Variants in DLGAP2 observed in about 807,000 individuals in gnomAD.
DLGAP2 encodes DLG associated protein 2, also known as disks large-associated protein 2.
A neutral mutation model predicts 100.3 loss-of-function variants in DLGAP2; 26 were observed. That is an observed-to-expected ratio of 0.26 (90% CI 0.19 to 0.36). DLGAP2 has a LOEUF of 0.36. DLGAP2 is among the 10% of genes least tolerant of loss of function. The pLI is 1.00. For synonymous variants in DLGAP2, 886 were observed against 630.1 expected (o/e 1.41, Z -6.08); for missense variants, 1,858 against 1,453.2 (o/e 1.28, Z -4.53).
At chr8:1,663,141 T>C (rs548610461) in intron 8 of DLGAP2, among the ~76,000 whole-genome samples, 19 of 106,784 alleles carry the variant, frequency 1.8e-4, no homozygotes, top group South Asian at 9.8e-4. Context: ...TGTGTGTGTA[T>C]GTGTGAGTGT....
rs778111483 is a variant in DLGAP2 at position 1,319,114 on chromosome 8, T to C, written c.106+60231T>C. Among the ~76,000 whole-genome samples, 3 of 152,144 alleles carry C rather than the reference T, an allele frequency of 2.0e-5. No individual in the cohort carries two copies. In the East Asian group the frequency reaches 5.8e-4, roughly 29 times the overall value. ...AGCGGCCTCTGAGGTCTCCGAGGGC[T>C]GGAGGGCCAAGCTCAGCTGGGATCT... is the stretch of plus-strand genomic sequence containing the variant. On this transcript the variant is annotated intron_variant, in intron 3 of 14. Transcript: ENST00000637795.
chr8:799,854 C>T (rs952000020), intron 1 of DLGAP2, among the ~76,000 whole-genome samples: 6 of 152,210 alleles, frequency 3.9e-5, no homozygotes, highest in Non-Finnish European at 5.9e-5. Flanking sequence ...ACCTTGGCCT[C>T]TCAGAGTGCT....
intron 5 of DLGAP2, among the ~76,000 whole-genome samples, chr8:1,555,285 A>G (rs1351830703): frequency 6.6e-6 from 1 of 152,084 alleles, no homozygotes; most frequent in Non-Finnish European, 1.5e-5. Flanking sequence ...CAGCTGCCCC[A>G]TCCATCCAGT....
intron 8 of DLGAP2, among the ~76,000 whole-genome samples, chr8:1,664,564 C>G (rs1798496360): frequency 6.6e-6 from 1 of 152,176 alleles, no homozygotes; most frequent in Non-Finnish European, 1.5e-5. Context: ...GTGAAGCTTG[C>G]CAGGCACTTT....
rs561338359 is a variant in DLGAP2, at chr8:1,045,675, C to T, written c.73+137709C>T. 5.9e-5 allele frequency among the ~76,000 whole-genome samples: 9 copies of T among 152,314 alleles called. No homozygotes were observed. In the South Asian group the frequency reaches 1.2e-3, roughly 21 times the overall value. ...AGGTCCTGGTAACCACCCTTCTATTCGCTGCTTCTGTGAGTTCTCTTGTTT... is the reference window on the plus strand; with the variant it reads ...AGGTCCTGGTAACCACCCTTCTATTTGCTGCTTCTGTGAGTTCTCTTGTTT... On this transcript the variant is annotated intron_variant, in intron 2 of 14. Transcript: ENST00000637795.
chr8:1,117,244 G>A (rs1024141994), intron 2 of DLGAP2, among the ~76,000 whole-genome samples: 7 of 152,216 alleles, frequency 4.6e-5, no homozygotes, highest in Admixed American at 1.3e-4. Context: ...GTGCCTCGGG[G>A]CTGTGCCCTC....
At chr8:1,254,063 G>T (rs527652765) in intron 2 of DLGAP2, among the ~76,000 whole-genome samples, 2 of 152,338 alleles carry the variant, frequency 1.3e-5, no homozygotes, top group African/African-American at 4.8e-5. Flanking sequence ...GAGGCTTCCA[G>T]TCCCTCCTGG....
intron 4 of DLGAP2, among the ~76,000 whole-genome samples, chr8:1,547,045 G>A (rs1801565611): frequency 2.0e-5 from 3 of 152,258 alleles, no homozygotes; most frequent in South Asian, 4.1e-4. Context: ...GGGTCTTGGA[G>A]TGAATGCAGG....
chr8:1,542,911 G>A (rs1346075800), intron 4 of DLGAP2, among the ~76,000 whole-genome samples: 1 of 152,112 alleles, frequency 6.6e-6, no homozygotes, highest in Non-Finnish European at 1.5e-5. Context: ...CCACTCCAGG[G>A]GGCTTGAGTG....
At chr8:1,165,502 C>T (rs960209624) in intron 2 of DLGAP2, among the ~76,000 whole-genome samples, 2 of 152,192 alleles carry the variant, frequency 1.3e-5, no homozygotes, top group Admixed American at 1.3e-4. Flanking sequence ...TTAATGTGTA[C>T]ATTTGCTCAT....
intron 2 of DLGAP2, among the ~76,000 whole-genome samples, chr8:1,112,596 C>T (rs1804995537): frequency 6.6e-6 from 1 of 152,138 alleles, no homozygotes; most frequent in Non-Finnish European, 1.5e-5. Context: ...GTTTAAGTTC[C>T]TTATAGATAC....
intron 3 of DLGAP2, among the ~76,000 whole-genome samples, chr8:1,453,174 G>C (rs1798210815): frequency 1.3e-5 from 2 of 152,128 alleles, no homozygotes; most frequent in African/African-American, 4.8e-5. Context: ...CAGAGGGCTG[G>C]GGTGGCCTAC....
At chr8:795,167 CA>C (rs1436130696) in intron 1 of DLGAP2, among the ~76,000 whole-genome samples, 4 of 152,216 alleles carry the variant, frequency 2.6e-5, no homozygotes, top group African/African-American at 4.8e-5. Flanking sequence ...TCACCGTGAA[CA>C]CTGAACCCTT....
At chr8:1,557,040 TG>T (rs1318513725) in intron 5 of DLGAP2, among the ~76,000 whole-genome samples, 1 of 150,828 alleles carries the variant, frequency 6.6e-6, no homozygotes, top group Non-Finnish European at 1.5e-5. Flanking sequence ...AGCACGGGGG[TG>T]GGGGCTGGGA....
At position 1,040,321 on chromosome 8, in the gene DLGAP2, AGTGTGCGTGGTCAGCTCG is replaced by A. The variant is rs1802299646; in HGVS notation, c.73+132368_73+132385del. On this transcript the variant is annotated intron_variant, in intron 2 of 14. Transcript: ENST00000637795. ...TCAGCTCGGTGTGCATGGTCGGCTC[AGTGTGCGTGGTCAGCTCG>A]GTGTGCGTGGTCGGCTCAGTGTGCG... 5.3e-5 allele frequency among the ~76,000 whole-genome samples: 4 copies of A among 75,788 alleles called. No individual in the cohort carries two copies. In the South Asian group the frequency reaches 1.4e-3, roughly 27 times the overall value. The allele number at this position is 75,788 out of a possible 152,430, so 49.7% of individuals were successfully genotyped here.
At position 1,546,287 on chromosome 8, in the gene DLGAP2, G is replaced by A. The variant is rs555127493; in HGVS notation, c.173-2339G>A. Among the ~76,000 whole-genome samples, 7 of 152,360 alleles carry A rather than the reference G, an allele frequency of 4.6e-5. No homozygotes were observed. In the South Asian group the frequency reaches 1.4e-3, roughly 32 times the overall value. On this transcript the variant is annotated intron_variant, in intron 4 of 14. Coordinates refer to ENST00000637795, the MANE Select transcript of DLGAP2 (RefSeq NM_001346810.2). ...TTCAACTGGGGACTGTTTACTGTGA[G>A]AATATGCAGGAGCAATCCCTTTGCT...
chr8:1,275,497 C>T (rs568312421), intron 3 of DLGAP2, among the ~76,000 whole-genome samples: 42 of 151,922 alleles, frequency 2.8e-4, no homozygotes, highest in African/African-American at 7.0e-4. Flanking sequence ...CAGACATCAG[C>T]GTCAATCCCA....
chr8:1,026,084 G>A (rs1243118571), intron 2 of DLGAP2, among the ~76,000 whole-genome samples: 1 of 152,338 alleles, frequency 6.6e-6, no homozygotes, highest in East Asian at 1.9e-4. Context: ...GCTTCCAGGA[G>A]CCCTGGCAGA....
rs927723010 is a variant in DLGAP2, at chr8:1,616,073, A to G, written c.1443-10667A>G. On this transcript the variant is annotated intron_variant, in intron 6 of 14. Transcript: ENST00000637795. ...AATGAAATCCATGAGAAAGAGACAA[A>G]TTGAATTTTCAAGAACAGAAAACCA... Among the ~76,000 whole-genome samples the G allele has an allele frequency of 2.0e-5, 3 of 152,246 alleles. No homozygotes were observed. In the East Asian group the frequency reaches 5.8e-4, roughly 29 times the overall value.
Sources: gnomAD v4.1 joint callset for allele counts (sites outside exome capture counted in the v4.1 genomes callset) on GRCh38, gnomAD v4.1.1 for gene constraint, MANE v1.5 for transcripts, NCBI Gene and HGNC (gene_info 2026-07-23, HGNC 2026-07-21) for gene names.